The following OPRPN variants were observed in gnomAD, a reference collection of about 807,000 sequenced individuals.
OPRPN encodes opiorphin prepropeptide.
In OPRPN, 1 loss-of-function variant was observed where a neutral mutation model predicts 2.2. The ratio of observed to expected loss-of-function variants is 0.45; its 90% CI spans 0.16 to 2.15. OPRPN has a LOEUF of 2.15. Ranked by LOEUF, OPRPN falls within the 30% of genes most tolerant of loss-of-function variation. OPRPN has a pLI of 0.28. For missense variants in OPRPN, 306 were observed against 297.3 expected (o/e 1.03, Z -0.21); for synonymous variants, 126 against 111.5 (o/e 1.13, Z -0.82).
chr4:70,399,545 T>G, intron 2 of OPRPN: 1 of 470,960 alleles, frequency 2.1e-6, no homozygotes, highest in South Asian at 3.4e-5. Context: ...GACAGTGGAC[T>G]GCAGGAAGAG....
chr4:70,400,056 C>T (rs544397656), intron 2 of OPRPN, among the ~76,000 whole-genome samples: 1 of 152,012 alleles, frequency 6.6e-6, no homozygotes, highest in South Asian at 2.1e-4. Context: ...CCAAAAACAT[C>T]ATAGCATGAT....
intron 2 of OPRPN, among the ~76,000 whole-genome samples, chr4:70,399,719 C>T (rs554470452): frequency 8.3e-4 from 126 of 151,976 alleles, no homozygotes; most frequent in African/African-American, 2.8e-3. Flanking sequence ...ACAGTTGGAG[C>T]TTCATGATAA....
intron 2 of OPRPN, among the ~76,000 whole-genome samples, chr4:70,404,986 T>C (rs1297683743): frequency 1.3e-5 from 2 of 152,222 alleles, no homozygotes; most frequent in African/African-American, 4.8e-5. Context: ...ATAATAATAA[T>C]ATTAAAGCTA....
rs181490825 is a variant in OPRPN, at chr4:70,409,763, C to A, written c.435C>A (p.Asn145Lys). The A allele has an allele frequency of 2.0e-4, 324 of 1,613,738 alleles. 2 individuals are homozygous for A. The African/African-American group carries it at 3.0e-3, about 15-fold the overall frequency. The part of the protein sequence containing the change: ...LPISNPEPQI[N>K]ITTADTTITT... Reference sequence around the variant, plus strand: ...TCTCTAACCCTGAGCCCCAAATAAACATCACCACCGCAGATACAACAATCA... The same window carrying A: ...TCTCTAACCCTGAGCCCCAAATAAAAATCACCACCGCAGATACAACAATCA... Residue 145 changes from asparagine to lysine, a missense_variant, in exon 3 of 3, where the codon AAC becomes AAA. Asn to Lys is a moderately conservative substitution (Grantham distance 94). Transcript: ENST00000399575.
intron 2 of OPRPN, among the ~76,000 whole-genome samples, chr4:70,405,634 A>G (rs1560533623): frequency 6.6e-6 from 1 of 152,210 alleles, no homozygotes; most frequent in Non-Finnish European, 1.5e-5. Context: ...ACAAACTTCC[A>G]TGACTTTTCA....
intron 2 of OPRPN, among the ~76,000 whole-genome samples, chr4:70,400,393 T>C (rs1732952065): frequency 1.3e-5 from 2 of 151,996 alleles, no homozygotes; most frequent in Admixed American, 1.3e-4. Flanking sequence ...TCTGTATTGT[T>C]CTGAAGCATA....
At position 70,409,568 on chromosome 4, in the gene OPRPN, A is replaced by C; in HGVS notation, c.240A>C (p.Gln80His). 6.2e-7 allele frequency: 1 copy of C among 1,613,982 alleles called. No individual in the cohort carries two copies. Among genetic ancestry groups the C allele is most frequent in the Non-Finnish European group, 8.5e-7 (1 of 1,179,906 alleles). ...VPPSSFSRFS[Q>H]AVILSQLFPL... The stretch of plus-strand genomic sequence containing the variant: ...CATCTTCTTTCTCTCGATTTAGCCA[A>C]GCAGTCATTCTATCTCAACTCTTTC... Residue 80 changes from glutamine to histidine, a missense_variant, in exon 3 of 3, where the codon CAA (glutamine) becomes CAC (histidine). Transcript: ENST00000399575.
chr4:70,399,247 G>T, intron 1 of OPRPN, 24 bp from the exon 2 acceptor site: 1 of 1,542,680 alleles, frequency 6.5e-7, no homozygotes, highest in South Asian at 1.2e-5. Context: ...GGCTAACTGT[G>T]GATAATCTTT....
At chr4:70,409,218 A>AT (rs1733156587) in intron 2 of OPRPN, among the ~76,000 whole-genome samples, 162 bp from the exon 3 acceptor site, 1 of 152,094 alleles carries the variant, frequency 6.6e-6, no homozygotes, top group South Asian at 2.1e-4. Context: ...TCTATTCCTT[A>AT]TTTTTTCTAA....
intron 2 of OPRPN, among the ~76,000 whole-genome samples, chr4:70,401,644 G>A (rs1328741118): frequency 2.0e-5 from 3 of 151,998 alleles, no homozygotes; most frequent in Admixed American, 2.0e-4. Flanking sequence ...CAAGTGAATG[G>A]GCCTTTGTGT....
chr4:70,408,021 G>T (rs1052499042), intron 2 of OPRPN, among the ~76,000 whole-genome samples: 1 of 152,282 alleles, frequency 6.6e-6, no homozygotes, highest in Middle Eastern at 3.4e-3. Flanking sequence ...TGGGGAAAAT[G>T]GGAGGAAATG....
rs1289856864 is a variant in OPRPN, at chr4:70,409,744, A to T, written c.416A>T (p.Asn139Ile). 6.2e-7 allele frequency: 1 copy of T among 1,613,412 alleles called. No individual in the cohort carries two copies. The highest frequency in any genetic ancestry group is 1.1e-5 in the South Asian group (1 of 91,006). Residue 139 changes from asparagine (N) to isoleucine (I), a missense_variant, in exon 3 of 3, where the codon AAC becomes ATC. Asn to Ile is a moderately radical substitution (Grantham distance 149). Coordinates refer to ENST00000399575, the MANE Select transcript of OPRPN (RefSeq NM_021225.5). ...FFLAIYLPIS[N>I]PEPQINITTA... ...CTTGCTATTTACCTTCCTATCTCTAACCCTGAGCCCCAAATAAACATCACC... is the reference window on the plus strand; with the variant it reads ...CTTGCTATTTACCTTCCTATCTCTATCCCTGAGCCCCAAATAAACATCACC...
chr4:70,407,023 A>T (rs1317496089), intron 2 of OPRPN, among the ~76,000 whole-genome samples: 1 of 151,982 alleles, frequency 6.6e-6, no homozygotes, highest in Admixed American at 6.6e-5. Flanking sequence ...TCTCATGGCA[A>T]CCCTGCTTTT....
chr4:70,403,369 A>C (rs1733020847), intron 2 of OPRPN, among the ~76,000 whole-genome samples: 1 of 152,218 alleles, frequency 6.6e-6, no homozygotes. Flanking sequence ...GTTATGTTCC[A>C]GTAAAACTTT....
intron 2 of OPRPN, among the ~76,000 whole-genome samples, chr4:70,408,548 A>G (rs1273689357): frequency 6.6e-6 from 1 of 152,198 alleles, no homozygotes; most frequent in African/African-American, 2.4e-5. Flanking sequence ...TTATTAATAG[A>G]GTACAAAATC....
intron 2 of OPRPN, among the ~76,000 whole-genome samples, chr4:70,403,518 C>A (rs973239325): frequency 5.9e-5 from 9 of 152,160 alleles, no homozygotes; most frequent in African/African-American, 2.2e-4. Flanking sequence ...ATTAACCCAA[C>A]ATTATTCATG....
rs1273701840 is a variant in OPRPN, at chr4:70,409,885, C to T, written c.557C>T (p.Pro186Leu). Residue 186 changes from proline to leucine, a missense_variant, in exon 3 of 3, where the codon CCA (proline) becomes CTA (leucine). Transcript: ENST00000399575. Reference protein sequence around the residue: ...SSSTVPISSTPEPATSISAAT... With the variant: ...SSSTVPISSTLEPATSISAAT... ...TCAACAGTACCTATCTCTTCAACAC[C>T]AGAGCCTGCCACCTCCATATCAGCA... The T allele has an allele frequency of 1.2e-6, 2 of 1,613,866 alleles. No homozygotes were observed. The highest frequency in any genetic ancestry group is 1.7e-5 in the Admixed American group (1 of 59,986).
chr4:70,409,774 C>G lies in OPRPN; in HGVS notation c.446C>G (p.Ala149Gly), dbSNP rs966317941. The G allele has an allele frequency of 5.3e-5, 85 of 1,613,688 alleles. No individual in the cohort carries two copies. The highest frequency in any genetic ancestry group is 6.9e-5 in the Non-Finnish European group (82 of 1,179,864). ...NPEPQINITT[A>G]DTTITTNPPT... Reference sequence around the variant, plus strand: ...GAGCCCCAAATAAACATCACCACCGCAGATACAACAATCACCACAAATCCC... The same window carrying G: ...GAGCCCCAAATAAACATCACCACCGGAGATACAACAATCACCACAAATCCC... Residue 149 changes from alanine (A) to glycine (G), a missense_variant, in exon 3 of 3, where the codon GCA (alanine) becomes GGA (glycine). By Grantham distance (60) the Ala-to-Gly change is moderately conservative. Transcript: ENST00000399575.
chr4:70,403,959 T>C (rs559801224), intron 2 of OPRPN, among the ~76,000 whole-genome samples: 2 of 152,292 alleles, frequency 1.3e-5, no homozygotes, highest in Admixed American at 1.3e-4. Context: ...TGATTGTTCC[T>C]ACTAGCACAT....
Sources: allele counts gnomAD v4.1 joint callset (sites outside exome capture counted in the v4.1 genomes callset), GRCh38; gene constraint gnomAD v4.1.1; transcripts MANE v1.5; gene names NCBI Gene and HGNC (gene_info 2026-07-23, HGNC 2026-07-21).